MARCHF11: variants seen among roughly 807,000 people sequenced by gnomAD.
MARCHF11 encodes membrane associated ring-CH-type finger 11.
MARCHF11 carries 29 observed loss-of-function variants against 37.3 expected under a neutral mutation model. That is an observed-to-expected ratio of 0.78 (90% CI 0.58 to 1.06). The LOEUF (loss-of-function observed/expected upper bound fraction) is 1.06, where lower values mean the gene tolerates loss of function less well. Among genes scored for constraint, MARCHF11 ranks in the 50% least tolerant of loss-of-function variants. MARCHF11 has a pLI of 0.00. For synonymous variants in MARCHF11, 233 were observed against 228.0 expected, an observed-to-expected ratio of 1.02 and a Z score of -0.20; for missense variants, 482 against 533.4, an observed-to-expected ratio of 0.90 and a Z score of 0.95.
At chr5:16,120,201 CCATGG>C (rs1468347873) in intron 2 of MARCHF11, among the ~76,000 whole-genome samples, 1 of 152,238 alleles carries the variant, frequency 6.6e-6, no homozygotes, top group Non-Finnish European at 1.5e-5. Flanking sequence ...CATGTGCCAG[CCATGG>C]CTCTAAGTGC....
At chr5:16,152,918 A>G (rs1737911184) in intron 2 of MARCHF11, among the ~76,000 whole-genome samples, 1 of 151,988 alleles carries the variant, frequency 6.6e-6, no homozygotes, top group Non-Finnish European at 1.5e-5. Context: ...TATAAAGTAA[A>G]TATTATGGCA....
In MARCHF11 at chr5:16,133,715, A is replaced by G. The variant is rs573769565; in HGVS notation, c.694-42634T>C. On this transcript the variant is annotated intron_variant, in intron 2 of 3. Transcript: ENST00000332432. Reference sequence around the variant, plus strand: ...TGAAATATTTAAAACAGAGTGTCCAATCTTTTGGCTTCCCTGAGCGACAAT... The same window carrying G: ...TGAAATATTTAAAACAGAGTGTCCAGTCTTTTGGCTTCCCTGAGCGACAAT... Among the ~76,000 whole-genome samples the G allele has an allele frequency of 7.9e-5, 12 of 152,264 alleles. No individual in the cohort carries two copies. The South Asian group carries it at 2.1e-3, about 26-fold the overall frequency.
chr5:16,085,997 C>T (rs1412176000), intron 3 of MARCHF11, among the ~76,000 whole-genome samples: 6 of 138,876 alleles, frequency 4.3e-5, no homozygotes, highest in Non-Finnish European at 4.6e-5. Flanking sequence ...TCAACCCAGA[C>T]TTTCCACTTC....
intron 2 of MARCHF11, among the ~76,000 whole-genome samples, chr5:16,102,717 TG>T (rs1736978120): frequency 6.6e-6 from 1 of 152,166 alleles, no homozygotes; most frequent in Non-Finnish European, 1.5e-5. Context: ...TCATTCCTCT[TG>T]GGCACTGGAC....
chr5:16,148,428 C>T (rs972763729), intron 2 of MARCHF11, among the ~76,000 whole-genome samples: 1 of 152,106 alleles, frequency 6.6e-6, no homozygotes, highest in African/African-American at 2.4e-5. Flanking sequence ...TAACATCTGG[C>T]AATCTTTCCC....
At chr5:16,081,784 G>C (rs564154643) in intron 3 of MARCHF11, among the ~76,000 whole-genome samples, 4 of 152,266 alleles carry the variant, frequency 2.6e-5, no homozygotes, top group Admixed American at 6.5e-5. Flanking sequence ...ATAAGAACTT[G>C]AATTTTACAG....
chr5:16,141,948 C>T (rs559552151), intron 2 of MARCHF11, among the ~76,000 whole-genome samples: 3 of 152,278 alleles, frequency 2.0e-5, no homozygotes, highest in Admixed American at 6.5e-5. Context: ...GATCTCCTTC[C>T]CATTTTTCTG....
chr5:16,105,958 TCA>T (rs72390791), intron 2 of MARCHF11, among the ~76,000 whole-genome samples: 1,589 of 152,238 alleles, frequency 0.01, 19 homozygotes, highest in African/African-American at 0.016. Context: ...TTCAAACGGC[TCA>T]CAATCTACTT....
At chr5:16,154,251 A>C (rs1737932303) in intron 2 of MARCHF11, among the ~76,000 whole-genome samples, 1 of 151,968 alleles carries the variant, frequency 6.6e-6, no homozygotes. Flanking sequence ...GAACTCACAG[A>C]ATTCTGTAAG....
intron 2 of MARCHF11, among the ~76,000 whole-genome samples, chr5:16,117,984 G>A (rs1239334170): frequency 6.6e-6 from 1 of 152,238 alleles, no homozygotes; most frequent in Non-Finnish European, 1.5e-5. Flanking sequence ...AGGGAAAACA[G>A]AGGAACTATG....
intron 2 of MARCHF11, among the ~76,000 whole-genome samples, chr5:16,151,676 TG>T (rs1737893681): frequency 6.7e-6 from 1 of 150,276 alleles, no homozygotes; most frequent in African/African-American, 2.4e-5. Context: ...TGTGTGTGTG[TG>T]TGTGTGTGTG....
intron 2 of MARCHF11, among the ~76,000 whole-genome samples, chr5:16,114,555 G>A (rs1737199760): frequency 6.6e-6 from 1 of 152,146 alleles, no homozygotes; most frequent in Admixed American, 6.5e-5. Context: ...CCTTGGTGCA[G>A]TGGTAATCTT....
intron 1 of MARCHF11, among the ~76,000 whole-genome samples, chr5:16,178,625 C>T (rs1445153432): frequency 1.3e-5 from 2 of 152,202 alleles, no homozygotes; most frequent in Non-Finnish European, 2.9e-5. Context: ...AAAGACTCTG[C>T]CCTTTCTGGT....
At chr5:16,107,952 A>C (rs1737072059) in intron 2 of MARCHF11, among the ~76,000 whole-genome samples, 1 of 152,014 alleles carries the variant, frequency 6.6e-6, no homozygotes. Context: ...AGCCACCTCT[A>C]CCACTCAGTA....
rs1043461826 is a variant in MARCHF11, at chr5:16,179,078, G to T, written c.498C>A (p.His166Gln). ...GGAAGCAGATCTTGCAGATGGGCTG[G>T]TGGTGCTGGTGCTGGTGCCCAGCGC... Reference protein sequence around the residue: ...DQRAGHQHQHHQPICKICFQG... With the variant: ...DQRAGHQHQHQQPICKICFQG... Residue 166 changes from histidine to glutamine, a missense_variant, in exon 1 of 4, where the codon CAC becomes CAA. His to Gln is a conservative substitution (Grantham distance 24). Transcript: ENST00000332432. 1.3e-6 allele frequency: 2 copies of T among 1,496,066 alleles called. No individual in the cohort carries two copies. The highest frequency in any genetic ancestry group is 5.7e-5 in the East Asian group (2 of 34,920). 92.7% of individuals were successfully genotyped at this position (1,496,066 alleles called of 1,614,324 possible).
intron 2 of MARCHF11, among the ~76,000 whole-genome samples, chr5:16,145,349 G>A (rs147803120): frequency 6.6e-6 from 1 of 152,102 alleles, no homozygotes; most frequent in Non-Finnish European, 1.5e-5. Flanking sequence ...CATTCAGGAG[G>A]GGAGTTGCTC....
chr5:16,125,665 G>T (rs1324888740), intron 2 of MARCHF11, among the ~76,000 whole-genome samples: 1 of 123,046 alleles, frequency 8.1e-6, no homozygotes, highest in Non-Finnish European at 1.7e-5. Flanking sequence ...GTGTGTGTGT[G>T]TGTGTTCATA....
intron 3 of MARCHF11, among the ~76,000 whole-genome samples, chr5:16,075,218 A>G (rs1444052286): frequency 6.6e-6 from 1 of 152,228 alleles, no homozygotes; most frequent in Non-Finnish European, 1.5e-5. Context: ...CTGCTCTTGC[A>G]CAAACTTCTG....
In MARCHF11 at chr5:16,149,450, G is replaced by A. The variant is rs373367887; in HGVS notation, c.693+28276C>T. On this transcript the variant is annotated intron_variant, in intron 2 of 3. Transcript: ENST00000332432. ...TCACTTACATTGCTGGTTGGAATAT[G>A]AACTGGTAGAAGCATTTGGGAAACT... Among the ~76,000 whole-genome samples, 5 of 152,182 alleles carry A rather than the reference G, an allele frequency of 3.3e-5. 1 individual carries two copies. Among genetic ancestry groups the A allele is most frequent in the East Asian group, 1.9e-4 (1 of 5,152 alleles).
Sources: gnomAD v4.1 joint callset for allele counts (sites outside exome capture counted in the v4.1 genomes callset) on GRCh38, gnomAD v4.1.1 for gene constraint, MANE v1.5 for transcripts, NCBI Gene and HGNC (gene_info 2026-07-23, HGNC 2026-07-21) for gene names.